PEBP1: variants seen among roughly 807,000 people sequenced by gnomAD.
The protein encoded by PEBP1 is phosphatidylethanolamine-binding protein 1.
A neutral mutation model predicts 22.7 loss-of-function variants in PEBP1; 17 were observed. The ratio of observed to expected loss-of-function variants is 0.75; its 90% CI spans 0.51 to 1.12. The LOEUF (loss-of-function observed/expected upper bound fraction) is 1.12, where lower values mean the gene tolerates loss of function less well. Ranked by LOEUF, PEBP1 falls within the 50% of genes most tolerant of loss-of-function variation. PEBP1 has a pLI of 0.00. For synonymous variants in PEBP1, 106 were observed against 104.3 expected (o/e 1.02, Z -0.10); for missense variants, 205 against 243.5 (o/e 0.84, Z 1.05).
At chr12:118,139,215 A>T in intron 2 of PEBP1, 2 of 372,240 alleles carry the variant, frequency 5.4e-6, no homozygotes, top group Non-Finnish European at 1.0e-5. Flanking sequence ...TGGGAGCCTG[A>T]GGCAGAGAAT....
intron 2 of PEBP1, among the ~76,000 whole-genome samples, chr12:118,138,721 G>A (rs554632630): frequency 3.0e-4 from 45 of 152,126 alleles, no homozygotes; most frequent in Non-Finnish European, 5.0e-4. Flanking sequence ...TAAATGATTG[G>A]TGAAAAATTG....
chr12:118,139,559 A>G lies in PEBP1; in HGVS notation c.346+8A>G. 1 of 1,595,916 alleles carries G rather than the reference A, an allele frequency of 6.3e-7. No homozygotes were observed. Among genetic ancestry groups the G allele is most frequent in the African/African-American group, 1.3e-5 (1 of 74,404 alleles). On this transcript the variant is annotated splice_region_variant and intron_variant, in intron 3 of 3. Coordinates refer to ENST00000261313, the MANE Select transcript of PEBP1 (RefSeq NM_002567.4). ...GGCCTCCCAAGGGCACAGGTTAGTA[A>G]AGGTTGTTTTTGGTGGGAGGTTGGG...
Position 118,145,017 on chromosome 12 carries a change from T to G in PEBP1, c.*214T>G, listed in dbSNP as rs151312052. 1,093 of 1,501,194 alleles carry G rather than the reference T, an allele frequency of 7.3e-4. 5 individuals are homozygous for G. The East Asian group carries it at 0.025, about 34-fold the overall frequency. The allele number at this position is 1,501,194 out of a possible 1,614,324, so 93.0% of individuals were successfully genotyped here. ...TTTATGTTTTGATCAAATTTGAACTTCATTTTGGGGGGTATTTTGGTACTG... is the reference window on the plus strand; with the variant it reads ...TTTATGTTTTGATCAAATTTGAACTGCATTTTGGGGGGTATTTTGGTACTG... On this transcript the variant is annotated 3_prime_UTR_variant, in exon 4 of 4. Coordinates refer to ENST00000261313, the MANE Select transcript of PEBP1 (RefSeq NM_002567.4).
At chr12:118,137,770 C>G (rs988159470) in intron 1 of PEBP1, among the ~76,000 whole-genome samples, 2 of 152,090 alleles carry the variant, frequency 1.3e-5, no homozygotes, top group Non-Finnish European at 2.9e-5. Flanking sequence ...CGCCTGCAGC[C>G]TCTGCCTCCC....
At position 118,145,167 on chromosome 12, in the gene PEBP1, TTAA is replaced by T; in HGVS notation, c.*365_*367del. The T allele has an allele frequency of 6.7e-6, 2 of 298,284 alleles. No individual in the cohort carries two copies. The highest frequency in any genetic ancestry group is 4.7e-5 in the Admixed American group (1 of 21,368). The allele number at this position is 298,284 out of a possible 1,614,324, so 18.5% of individuals were successfully genotyped here. On this transcript the variant is annotated 3_prime_UTR_variant, in exon 4 of 4. Transcript: ENST00000261313. ...GCATCAAAGAATCTTTAAGGGAGGT[TTAA>T]AAAAAAAAAAAAAAAAAAAGATTGG...
At chr12:118,137,284 C>T (rs2034072364) in intron 1 of PEBP1, among the ~76,000 whole-genome samples, 1 of 152,092 alleles carries the variant, frequency 6.6e-6, no homozygotes, top group African/African-American at 2.4e-5. Context: ...GGTTGGAATC[C>T]CAGCCTTATC....
chr12:118,136,451 G>A lies in PEBP1; in HGVS notation c.135+107G>A. On this transcript the variant is annotated intron_variant, in intron 1 of 3. Coordinates refer to ENST00000261313, the MANE Select transcript of PEBP1 (RefSeq NM_002567.4). This position sits in a 1 kb window ranked among gnomAD's most constrained non-coding sequence, Gnocchi z 5.6. ...GGGCCAGGGGCGGTGGGGAGGTTCA[G>A]CCTGCGTGTGTCGAGGCCCCCCCAG... 7.5e-7 allele frequency: 1 copy of A among 1,324,504 alleles called. No individual in the cohort carries two copies. The highest frequency in any genetic ancestry group is 1.0e-6 in the Non-Finnish European group (1 of 999,548). The allele number at this position is 1,324,504 out of a possible 1,614,324, so 82.0% of individuals were successfully genotyped here. A position where few individuals can be genotyped will look rare whatever the true frequency, so the allele number is the denominator to read the frequency against.
rs576425830 is a variant in PEBP1 at position 118,136,818 on chromosome 12, C to T, written c.135+474C>T. Among the ~76,000 whole-genome samples the T allele has an allele frequency of 6.6e-6, 1 of 152,250 alleles. No homozygotes were observed. Among genetic ancestry groups the T allele is most frequent in the African/African-American group, 2.4e-5 (1 of 41,566 alleles). The stretch of plus-strand genomic sequence containing the variant: ...ATTATGTAACTGGCGATGAGCGCGC[C>T]GGCCGATTTCTCCTTTGTTAAATGG... On this transcript the variant is annotated intron_variant, in intron 1 of 3. Coordinates refer to ENST00000261313, the MANE Select transcript of PEBP1 (RefSeq NM_002567.4). The surrounding 1 kb of genome is among the most constrained non-coding windows in gnomAD (Gnocchi z 5.6).
chr12:118,145,042 G>C lies in PEBP1; in HGVS notation c.*239G>C. 6.9e-7 allele frequency: 1 copy of C among 1,450,822 alleles called. No homozygotes were observed. Among genetic ancestry groups the C allele is most frequent in the Non-Finnish European group, 9.2e-7 (1 of 1,089,236 alleles). The allele number at this position is 1,450,822 out of a possible 1,614,324, so 89.9% of individuals were successfully genotyped here. A position where few individuals can be genotyped will look rare whatever the true frequency, so the allele number is the denominator to read the frequency against. On this transcript the variant is annotated 3_prime_UTR_variant, in exon 4 of 4. Coordinates refer to ENST00000261313, the MANE Select transcript of PEBP1 (RefSeq NM_002567.4). ...TCATTTTGGGGGGTATTTTGGTACTGTGATGGGGTCATCAAATTATTAATC... is the reference window on the plus strand; with the variant it reads ...TCATTTTGGGGGGTATTTTGGTACTCTGATGGGGTCATCAAATTATTAATC...
Position 118,136,137 on chromosome 12 carries a change from C to A in PEBP1, c.-73C>A. 1 of 1,521,584 alleles carries A rather than the reference C, an allele frequency of 6.6e-7. No individual in the cohort carries two copies. Among genetic ancestry groups the A allele is most frequent in the East Asian group, 2.5e-5 (1 of 40,396 alleles). The allele number at this position is 1,521,584 out of a possible 1,614,324, so 94.3% of individuals were successfully genotyped here. ...TCTTCCCGAGCCAGTGTGCTGAGCT[C>A]TCCGCGTCGCCTCTGTCGCCCGCGC... On this transcript the variant is annotated 5_prime_UTR_variant, in exon 1 of 4. Transcript: ENST00000261313. This position sits in a 1 kb window ranked among gnomAD's most constrained non-coding sequence, Gnocchi z 5.6.
intron 1 of PEBP1, 141 bp from the exon 2 acceptor site, chr12:118,137,898 G>C (rs147190541): frequency 0.02 from 12,146 of 618,018 alleles, 110 homozygotes; most frequent in Middle Eastern, 0.031. Flanking sequence ...TGTTGGCCAG[G>C]CTGGTCTCAA....
chr12:118,140,815 G>A (rs1388065004), intron 3 of PEBP1, among the ~76,000 whole-genome samples: 2 of 152,056 alleles, frequency 1.3e-5, no homozygotes, highest in East Asian at 3.9e-4. Context: ...TGGGATTACA[G>A]GCGTGAGCCA....
chr12:118,136,177 C>T lies in PEBP1; in HGVS notation c.-33C>T, dbSNP rs2034054664. 2 of 1,539,690 alleles carry T rather than the reference C, an allele frequency of 1.3e-6. No individual in the cohort carries two copies. Among genetic ancestry groups the T allele is most frequent in the East Asian group, 4.9e-5 (2 of 40,688 alleles). ...GTCGCCCGCGCCTGGCCTACCGCGG[C>T]ACTCCCGGCTGCACGCTCTGCTTGG... On this transcript the variant is annotated 5_prime_UTR_variant, in exon 1 of 4. Coordinates refer to ENST00000261313, the MANE Select transcript of PEBP1 (RefSeq NM_002567.4). This position sits in a 1 kb window ranked among gnomAD's most constrained non-coding sequence, Gnocchi z 5.6.
intron 3 of PEBP1, among the ~76,000 whole-genome samples, chr12:118,142,055 C>CATAA (rs2034118078): frequency 6.6e-6 from 1 of 152,004 alleles, no homozygotes; most frequent in East Asian, 1.9e-4. Context: ...AGGATGAACC[C>CATAA]TGAGGAACAT....
intron 3 of PEBP1, among the ~76,000 whole-genome samples, chr12:118,142,754 G>T (rs2138087787): frequency 6.6e-6 from 1 of 151,328 alleles, no homozygotes; most frequent in African/African-American, 2.4e-5. Flanking sequence ...TGGGATTACA[G>T]GTGTGAGCCA....
Position 118,136,471 on chromosome 12 carries a change from C to G in PEBP1, c.135+127C>G. ...GTTCAGCCTGCGTGTGTCGAGGCCC[C>G]CCCAGGCCAGAGGTCCCGGGGTCCA... On this transcript the variant is annotated intron_variant, in intron 1 of 3. Coordinates refer to ENST00000261313, the MANE Select transcript of PEBP1 (RefSeq NM_002567.4). This position sits in a 1 kb window ranked among gnomAD's most constrained non-coding sequence, Gnocchi z 5.6. 1 of 1,179,240 alleles carries G rather than the reference C, an allele frequency of 8.5e-7. No homozygotes were observed. Among genetic ancestry groups the G allele is most frequent in the South Asian group, 1.6e-5 (1 of 61,888 alleles). 73.0% of individuals were successfully genotyped at this position (1,179,240 alleles called of 1,614,324 possible). A position where few individuals can be genotyped will look rare whatever the true frequency, so the allele number is the denominator to read the frequency against.
chr12:118,136,431 A>C lies in PEBP1; in HGVS notation c.135+87A>C. ...GGTGGGACCCAGCGGAGACAGGGCC[A>C]GGGGCGGTGGGGAGGTTCAGCCTGC... On this transcript the variant is annotated intron_variant, in intron 1 of 3. Coordinates refer to ENST00000261313, the MANE Select transcript of PEBP1 (RefSeq NM_002567.4). This position sits in a 1 kb window ranked among gnomAD's most constrained non-coding sequence, Gnocchi z 5.6. 1 of 1,423,468 alleles carries C rather than the reference A, an allele frequency of 7.0e-7. No homozygotes were observed. The highest frequency in any genetic ancestry group is 9.3e-7 in the Non-Finnish European group (1 of 1,080,692). 88.2% of individuals were successfully genotyped at this position (1,423,468 alleles called of 1,614,324 possible).
rs2034060742 is a variant in PEBP1 at position 118,136,481 on chromosome 12, G to C, written c.135+137G>C. 1 of 1,083,900 alleles carries C rather than the reference G, an allele frequency of 9.2e-7. No individual in the cohort carries two copies. Among genetic ancestry groups the C allele is most frequent in the African/African-American group, 1.6e-5 (1 of 60,638 alleles). 67.1% of individuals were successfully genotyped at this position (1,083,900 alleles called of 1,614,324 possible). A position where few individuals can be genotyped will look rare whatever the true frequency, so the allele number is the denominator to read the frequency against. On this transcript the variant is annotated intron_variant, in intron 1 of 3. Transcript: ENST00000261313. The surrounding 1 kb of genome is among the most constrained non-coding windows in gnomAD (Gnocchi z 5.6). The stretch of plus-strand genomic sequence containing the variant: ...CGTGTGTCGAGGCCCCCCCAGGCCA[G>C]AGGTCCCGGGGTCCATGTCCCATGC...
At position 118,136,436 on chromosome 12, in the gene PEBP1, C is replaced by A. The variant is rs922471069; in HGVS notation, c.135+92C>A. 17 of 1,403,686 alleles carry A rather than the reference C, an allele frequency of 1.2e-5. No homozygotes were observed. In the African/African-American group the frequency reaches 2.5e-4, roughly 21 times the overall value. The allele number at this position is 1,403,686 out of a possible 1,614,324, so 87.0% of individuals were successfully genotyped here. On this transcript the variant is annotated intron_variant, in intron 1 of 3. Coordinates refer to ENST00000261313, the MANE Select transcript of PEBP1 (RefSeq NM_002567.4). This position sits in a 1 kb window ranked among gnomAD's most constrained non-coding sequence, Gnocchi z 5.6. ...GACCCAGCGGAGACAGGGCCAGGGG[C>A]GGTGGGGAGGTTCAGCCTGCGTGTG...
Sources: gnomAD v4.1 joint callset for allele counts (sites outside exome capture counted in the v4.1 genomes callset) on GRCh38, gnomAD v4.1.1 for gene constraint, Gnocchi (gnomAD v3.1) non-coding constraint, MANE v1.5 for transcripts, NCBI Gene and HGNC (gene_info 2026-07-23, HGNC 2026-07-21) for gene names.